INTS3: variants seen among roughly 807,000 people sequenced by gnomAD.
INTS3 encodes integrator complex subunit 3, also known as SOSS complex subunit A.
A neutral mutation model predicts 146.3 loss-of-function variants in INTS3; 34 were observed. The observed-to-expected ratio is 0.23, with a 90% confidence interval of 0.18 to 0.31. INTS3 has a LOEUF of 0.31. Among genes scored for constraint, INTS3 ranks in the 10% least tolerant of loss-of-function variants. INTS3 has a pLI of 1.00. For missense variants in INTS3, 757 were observed against 1,304.2 expected, an observed-to-expected ratio of 0.58 and a Z score of 6.46; for synonymous variants, 475 against 494.9, an observed-to-expected ratio of 0.96 and a Z score of 0.53.
chr1:153,729,080 A>C (rs975119384), intron 1 of INTS3, among the ~76,000 whole-genome samples: 4 of 152,194 alleles, frequency 2.6e-5, no homozygotes, highest in Admixed American at 2.6e-4. Context: ...TCCTTTCGAC[A>C]TACACACCCC....
chr1:153,753,566 AAAG>A (rs1213328241), intron 8 of INTS3: 1 of 151,914 alleles, frequency 6.6e-6, no homozygotes, highest in Admixed American at 6.6e-5. Flanking sequence ...AAAAAAAAGA[AAAG>A]AAAAGAAAAG....
intron 10 of INTS3, among the ~76,000 whole-genome samples, chr1:153,758,535 C>T (rs9426926): frequency 0.99 from 150,374 of 152,338 alleles, 74,249 homozygotes; most frequent in East Asian, 1. Context: ...CTGCCGAGCA[C>T]GGTGGCTCAC....
intron 5 of INTS3, 82 bp from the exon 6 acceptor site, chr1:153,748,607 A>T: frequency 1.8e-6 from 2 of 1,106,138 alleles, no homozygotes; most frequent in Non-Finnish European, 2.8e-6. Flanking sequence ...GTCAGGGTGG[A>T]CCAGCAGAAT....
intron 22 of INTS3, among the ~76,000 whole-genome samples, chr1:153,769,262 T>G (rs1418757508): frequency 6.6e-6 from 1 of 152,244 alleles, no homozygotes; most frequent in African/African-American, 2.4e-5. Flanking sequence ...AACTGGCCTT[T>G]CCTTTGGCTC....
chr1:153,746,486 C>T (rs538677832), intron 3 of INTS3, among the ~76,000 whole-genome samples: 7 of 152,208 alleles, frequency 4.6e-5, no homozygotes, highest in Admixed American at 1.3e-4. Context: ...CTGCAAACTC[C>T]GCCTCCCGGG....
chr1:153,766,136 T>C (rs79915351), intron 20 of INTS3, among the ~76,000 whole-genome samples: 1 of 145,948 alleles, frequency 6.9e-6, no homozygotes, highest in African/African-American at 2.5e-5. Flanking sequence ...TTTTTTTTTT[T>C]TTTGAGACAG....
At position 153,771,942 on chromosome 1, in the gene INTS3, G is replaced by C. The variant is rs1288594413; in HGVS notation, c.2699G>C (p.Ser900Thr). 6.2e-7 allele frequency: 1 copy of C among 1,613,646 alleles called. No individual in the cohort carries two copies. The highest frequency in any genetic ancestry group is 8.5e-7 in the Non-Finnish European group (1 of 1,179,860). ...HIKSLLIKNN[S>T]LPRKRQSLRS... is the part of the protein sequence containing the mutation. ...AAGTCCCTGCTCATCAAGAACAACAGCCTGCCTCGCAAGAGACAGAGGTGG... is the reference window on the plus strand; with the variant it reads ...AAGTCCCTGCTCATCAAGAACAACACCCTGCCTCGCAAGAGACAGAGGTGG... Residue 900 changes from serine (S) to threonine (T), a missense_variant, in exon 26 of 30, where the codon AGC becomes ACC. This residue lies in a region of INTS3 where 116 missense variants were observed against 226.5 expected (regional missense o/e 0.51). Coordinates refer to ENST00000318967, the MANE Select transcript of INTS3 (RefSeq NM_023015.5).
chr1:153,748,345 G>A, intron 5 of INTS3: 1 of 320,688 alleles, frequency 3.1e-6, no homozygotes, highest in South Asian at 3.0e-5. Context: ...TACTTCTCAG[G>A]CTCTATCTGA....
rs1194308336 is a variant in INTS3 at position 153,728,696 on chromosome 1, G to A, written c.62G>A (p.Gly21Asp). ...AAAAASGAAG[G>D]GGGGAGAGAP... Reference sequence around the variant, plus strand: ...GCAGCTGCTTCGGGAGCAGCGGGAGGTGGAGGAGGAGGAGCGGGAGCAGGA... The same window carrying A: ...GCAGCTGCTTCGGGAGCAGCGGGAGATGGAGGAGGAGGAGCGGGAGCAGGA... The change falls in exon 1 of 30, where the codon GGT becomes GAT. Residue 21 changes from glycine (G) to aspartate (D), a missense_variant. Gly to Asp is a moderately conservative substitution (Grantham distance 94). This residue lies in a region of INTS3 where 160 missense variants were observed against 193.7 expected (regional missense o/e 0.83). Transcript: ENST00000318967. The A allele has an allele frequency of 6.2e-7, 1 of 1,607,936 alleles. No homozygotes were observed. The highest frequency in any genetic ancestry group is 8.5e-7 in the Non-Finnish European group (1 of 1,177,580).
chr1:153,770,813 C>G (rs12068256), intron 25 of INTS3, 80 bp downstream of exon 25: 317,005 of 1,084,438 alleles, frequency 0.29, 48,544 homozygotes, highest in African/African-American at 0.44. Flanking sequence ...CTTCTGTCCT[C>G]CTCCTTATTG....
At chr1:153,762,049 A>T (rs1009325851) in intron 14 of INTS3, among the ~76,000 whole-genome samples, 3 of 152,242 alleles carry the variant, frequency 2.0e-5, no homozygotes, top group Non-Finnish European at 4.4e-5. Context: ...GTTGGGCCTC[A>T]AACCTTACTC....
Position 153,772,906 on chromosome 1 carries a change from T to C in INTS3, c.2895-19T>C, listed in dbSNP as rs760711974. On this transcript the variant is annotated intron_variant, in intron 28 of 29. Coordinates refer to ENST00000318967, the MANE Select transcript of INTS3 (RefSeq NM_023015.5). The surrounding 1 kb of genome is among the most constrained non-coding windows in gnomAD (Gnocchi z 4.6). ...AGCAGCAGGCTCCCACTCAAAGAGCTACCGCTCCTTTTCCTTAGATTCAGT... is the reference window on the plus strand; with the variant it reads ...AGCAGCAGGCTCCCACTCAAAGAGCCACCGCTCCTTTTCCTTAGATTCAGT... The C allele has an allele frequency of 1.1e-5, 18 of 1,613,772 alleles. No individual in the cohort carries two copies. The highest frequency in any genetic ancestry group is 1.3e-5 in the Non-Finnish European group (15 of 1,179,908).
At chr1:153,758,111 T>C (rs990926953) in intron 10 of INTS3, among the ~76,000 whole-genome samples, 1 of 152,240 alleles carries the variant, frequency 6.6e-6, no homozygotes, top group African/African-American at 2.4e-5. Flanking sequence ...TTGCATTCTT[T>C]AGACCCTCAC....
At chr1:153,744,157 A>G (rs2101793368) in intron 3 of INTS3, among the ~76,000 whole-genome samples, 1 of 151,838 alleles carries the variant, frequency 6.6e-6, no homozygotes, top group Non-Finnish European at 1.5e-5. Flanking sequence ...CCTTAGGTGT[A>G]TGAAACTCTC....
Position 153,752,403 on chromosome 1 carries a change from T to G in INTS3, c.854T>G (p.Phe285Cys). Residue 285 changes from phenylalanine to cysteine, a missense_variant, in exon 8 of 30, where the codon TTC becomes TGC. Physicochemically the swap from Phe to Cys is radical, Grantham distance 205. Around this residue, in one of 8 missense-constraint regions of INTS3, gnomAD observed 134 missense variants for 243.1 expected, o/e 0.55. Coordinates refer to ENST00000318967, the MANE Select transcript of INTS3 (RefSeq NM_023015.5). ...IHNPQALSPQFTGILQLLQSR... is the reference protein window; with the variant it reads ...IHNPQALSPQCTGILQLLQSR... ...AATCCTCAGGCCTTGAGTCCTCAGT[T>G]CACAGGTAAGTAGGGTCTTAGGCAT... The G allele has an allele frequency of 1.2e-6, 2 of 1,610,842 alleles. No homozygotes were observed. The highest frequency in any genetic ancestry group is 1.7e-6 in the Non-Finnish European group (2 of 1,178,856).
intron 9 of INTS3, among the ~76,000 whole-genome samples, chr1:153,755,305 C>T (rs755952664): frequency 2.0e-5 from 3 of 151,994 alleles, no homozygotes; most frequent in Non-Finnish European, 2.9e-5. Context: ...TTCTTGTTGC[C>T]CAGGCTAGAG....
chr1:153,744,267 C>T lies in INTS3; in HGVS notation c.319-2690C>T, dbSNP rs1393505551. ...GCTGTCTTCATCTGACCCTGTATCT[C>T]CTGAGAGAACTTGTCCTGCTTCCCT... On this transcript the variant is annotated intron_variant, in intron 3 of 29. Transcript: ENST00000318967. Among the ~76,000 whole-genome samples the T allele has an allele frequency of 2.0e-5, 3 of 152,164 alleles. No individual in the cohort carries two copies. In the East Asian group the frequency reaches 5.8e-4, roughly 29 times the overall value.
Position 153,773,641 on chromosome 1 carries a change from G to A in INTS3, c.*371G>A. The A allele has an allele frequency of 3.1e-6, 1 of 325,366 alleles. No homozygotes were observed. The highest frequency in any genetic ancestry group is 5.3e-5 in the South Asian group (1 of 18,744). 20.2% of individuals were successfully genotyped at this position (325,366 alleles called of 1,614,324 possible). ...AACAGAGAAGGGAAATGACAAAGGG[G>A]CAGCTGGCCAGATAAGCTAGGATGA... On this transcript the variant is annotated 3_prime_UTR_variant, in exon 30 of 30. Coordinates refer to ENST00000318967, the MANE Select transcript of INTS3 (RefSeq NM_023015.5).
chr1:153,746,511 C>T (rs1027541378), intron 3 of INTS3, among the ~76,000 whole-genome samples: 2 of 152,334 alleles, frequency 1.3e-5, no homozygotes, highest in Admixed American at 6.5e-5. Flanking sequence ...CACCATTCTC[C>T]TGCCTCAGCC....
Sources: gnomAD v4.1 joint callset for allele counts (sites outside exome capture counted in the v4.1 genomes callset) on GRCh38, gnomAD v4.1.1 for gene constraint, gnomAD v4.1.1 regional missense constraint, Gnocchi (gnomAD v3.1) non-coding constraint, MANE v1.5 for transcripts, NCBI Gene and HGNC (gene_info 2026-07-23, HGNC 2026-07-21) for gene names.